ZBTB20: variants seen among roughly 807,000 people sequenced by gnomAD.
The protein encoded by ZBTB20 is zinc finger and BTB domain containing 20, also known as zinc finger and BTB domain-containing protein 20.
ZBTB20 carries 9 observed loss-of-function variants against 56.9 expected under a neutral mutation model. The observed-to-expected ratio is 0.16, with a 90% confidence interval of 0.10 to 0.28. The LOEUF (loss-of-function observed/expected upper bound fraction) is 0.28. Ranked by LOEUF, ZBTB20 falls within the 10% of genes least tolerant of loss-of-function variation. The probability of loss-of-function intolerance (pLI) is 1.00; values close to 1 mark genes in which losing one functional copy is unlikely to be tolerated. For synonymous variants in ZBTB20, 417 were observed against 420.7 expected, an observed-to-expected ratio of 0.99 and a Z score of 0.11; for missense variants, 655 against 1,003.0, an observed-to-expected ratio of 0.65 and a Z score of 4.69.
intron 2 of ZBTB20, among the ~76,000 whole-genome samples, chr3:115,024,915 T>C (rs777966322): frequency 2.0e-5 from 3 of 151,212 alleles, no homozygotes; most frequent in Non-Finnish European, 4.4e-5. Flanking sequence ...TATATATCGA[T>C]TTAAAATTAT....
intron 1 of ZBTB20, among the ~76,000 whole-genome samples, chr3:115,085,379 T>C (rs1008807831): frequency 1.7e-4 from 26 of 152,056 alleles, no homozygotes; most frequent in African/African-American, 4.6e-4. Flanking sequence ...ATGCACACAC[T>C]ACTCCCTGGA....
At chr3:115,125,346 T>TAA (rs55740856) in intron 1 of ZBTB20, among the ~76,000 whole-genome samples, 25 of 121,474 alleles carry the variant, frequency 2.1e-4, no homozygotes, top group African/African-American at 5.9e-4. Flanking sequence ...CTGCCTCAAA[T>TAA]AAAAAAAAAA....
rs1166335849 is a variant in ZBTB20 at position 114,326,712 on chromosome 3, T to C, written c.*12293A>G. 2 of 152,230 alleles carry C rather than the reference T, an allele frequency of 1.3e-5. No individual in the cohort carries two copies. Among genetic ancestry groups the C allele is most frequent in the Non-Finnish European group, 2.9e-5 (2 of 68,036 alleles). The allele number at this position is 152,230 out of a possible 1,614,324, so 9.4% of individuals were successfully genotyped here. On this transcript the variant is annotated 3_prime_UTR_variant, in exon 12 of 12. Transcript: ENST00000675478. Reference sequence around the variant, plus strand: ...CTAAAAAGTAATAATTATGCTTAAATCAAGGTTTATAGATAGCAAACAACT... The same window carrying C: ...CTAAAAAGTAATAATTATGCTTAAACCAAGGTTTATAGATAGCAAACAACT...
chr3:114,946,894 G>T (rs1452967996), intron 3 of ZBTB20, among the ~76,000 whole-genome samples: 1 of 145,400 alleles, frequency 6.9e-6, no homozygotes, highest in Non-Finnish European at 1.5e-5. Flanking sequence ...GAGAAAATAT[G>T]TACAAACTAT....
chr3:114,847,361 A>G (rs2074763738), intron 4 of ZBTB20, among the ~76,000 whole-genome samples: 1 of 151,966 alleles, frequency 6.6e-6, no homozygotes, highest in African/African-American at 2.4e-5. Flanking sequence ...CTGATCACCA[A>G]CTTTGAATAT....
chr3:114,847,191 G>T (rs1323348744), intron 4 of ZBTB20, among the ~76,000 whole-genome samples: 1 of 151,922 alleles, frequency 6.6e-6, no homozygotes, highest in Non-Finnish European at 1.5e-5. Context: ...TTCTCACAAG[G>T]GCTATTTTTC....
intron 4 of ZBTB20, among the ~76,000 whole-genome samples, chr3:114,881,642 C>A (rs2107588542): frequency 6.6e-6 from 1 of 151,846 alleles, no homozygotes; most frequent in South Asian, 2.1e-4. Context: ...GAATAGACAT[C>A]AGGGATTGAT....
intron 3 of ZBTB20, among the ~76,000 whole-genome samples, chr3:114,967,103 G>A (rs537224370): frequency 5.8e-4 from 89 of 152,204 alleles, no homozygotes; most frequent in African/African-American, 2.1e-3. Context: ...GTGTAACCTT[G>A]AAGATAATTA....
chr3:114,681,923 G>A (rs991582322), intron 6 of ZBTB20, among the ~76,000 whole-genome samples: 1 of 152,146 alleles, frequency 6.6e-6, no homozygotes, highest in African/African-American at 2.4e-5. Flanking sequence ...AAATGAAATG[G>A]CTTAAACAAA....
chr3:114,699,538 A>C (rs1440038924), intron 5 of ZBTB20, among the ~76,000 whole-genome samples: 9 of 152,132 alleles, frequency 5.9e-5, no homozygotes, highest in Non-Finnish European at 1.5e-5. Context: ...AATTGCAACT[A>C]CAATTTCTCA....
chr3:114,371,407 C>T (rs2082993432), intron 10 of ZBTB20, among the ~76,000 whole-genome samples: 1 of 152,182 alleles, frequency 6.6e-6, no homozygotes, highest in Admixed American at 6.6e-5. Flanking sequence ...ATATTCTATA[C>T]ATACTTGCTG....
rs1179707806 is a variant in ZBTB20 at position 114,441,874 on chromosome 3, C to CA, written c.-254-52770dup. On this transcript the variant is annotated intron_variant, in intron 7 of 11. Coordinates refer to ENST00000675478, the MANE Select transcript of ZBTB20 (RefSeq NM_001348800.3). Reference sequence around the variant, plus strand: ...TTTCCCCTAACTGTTGATGGTAGCTCAAAAAATCCAAACCAAAACCAAAAC... The same window carrying CA: ...TTTCCCCTAACTGTTGATGGTAGCTCAAAAAAATCCAAACCAAAACCAAAAC... Among the ~76,000 whole-genome samples the CA allele has an allele frequency of 4.6e-5, 7 of 151,948 alleles. No individual in the cohort carries two copies. In the South Asian group the frequency reaches 1.2e-3, roughly 27 times the overall value.
In ZBTB20 at chr3:114,811,181, A is replaced by G. The variant is rs1002095704; in HGVS notation, c.-416-10007T>C. On this transcript the variant is annotated intron_variant, in intron 4 of 11. Transcript: ENST00000675478. ...TAGCTCAGAGATCTAAGCAGGTCCA[A>G]ATACTTACTTGGATCAGGTTAGTAT... 2.0e-5 allele frequency among the ~76,000 whole-genome samples: 3 copies of G among 152,196 alleles called. No homozygotes were observed. The South Asian group carries it at 6.2e-4, about 32-fold the overall frequency.
chr3:114,817,869 G>A (rs2073031339), intron 4 of ZBTB20, among the ~76,000 whole-genome samples: 1 of 151,966 alleles, frequency 6.6e-6, no homozygotes, highest in African/African-American at 2.4e-5. Context: ...CCATTACATG[G>A]GGAAAGCAAG....
rs1188351345 is a variant in ZBTB20, at chr3:114,331,638, C to G, written c.*7367G>C. On this transcript the variant is annotated 3_prime_UTR_variant, in exon 12 of 12. Transcript: ENST00000675478. ...AACTGTAGAGTTTGTTAAATGCACT[C>G]TACTCCACATAAGCATATTCAAGTT... 1 of 152,210 alleles carries G rather than the reference C, an allele frequency of 6.6e-6. No homozygotes were observed. The highest frequency in any genetic ancestry group is 1.5e-5 in the Non-Finnish European group (1 of 68,038). The allele number at this position is 152,210 out of a possible 1,614,324, so 9.4% of individuals were successfully genotyped here.
intron 6 of ZBTB20, among the ~76,000 whole-genome samples, chr3:114,510,298 A>G (rs915025371): frequency 2.0e-5 from 3 of 152,256 alleles, no homozygotes; most frequent in Admixed American, 2.0e-4. Flanking sequence ...TCTCTGACCA[A>G]TGAAGCCCAA....
In ZBTB20 at chr3:115,097,418, G is replaced by A. The variant is rs536372346; in HGVS notation, c.-702-26004C>T. 2.0e-5 allele frequency among the ~76,000 whole-genome samples: 3 copies of A among 151,862 alleles called. No homozygotes were observed. In the East Asian group the frequency reaches 5.8e-4, roughly 29 times the overall value. ...AGGATAGTCTCGATCTCCCGACCTCGTGATCTGCCCGCCTCGGCCTCCCAA... is the reference window on the plus strand; with the variant it reads ...AGGATAGTCTCGATCTCCCGACCTCATGATCTGCCCGCCTCGGCCTCCCAA... On this transcript the variant is annotated intron_variant, in intron 1 of 11. Transcript: ENST00000675478.
At chr3:114,382,210 C>T (rs1461139187) in intron 8 of ZBTB20, among the ~76,000 whole-genome samples, 2 of 152,178 alleles carry the variant, frequency 1.3e-5, no homozygotes, top group Non-Finnish European at 2.9e-5. Context: ...TTTCTCACAT[C>T]TGTGTTTCCA....
At chr3:114,631,679 C>T (rs373588695) in intron 6 of ZBTB20, among the ~76,000 whole-genome samples, 2 of 151,942 alleles carry the variant, frequency 1.3e-5, no homozygotes, top group Admixed American at 6.6e-5. Flanking sequence ...GCATGAGCCA[C>T]GTGCCCAGCA....
Sources: gnomAD v4.1 joint callset for allele counts (sites outside exome capture counted in the v4.1 genomes callset) on GRCh38, gnomAD v4.1.1 for gene constraint, MANE v1.5 for transcripts, NCBI Gene and HGNC (gene_info 2026-07-23, HGNC 2026-07-21) for gene names.